The following PSPC1 variants were observed in gnomAD, a reference collection of about 807,000 sequenced individuals.
The protein encoded by PSPC1 is paraspeckle protein 1.
A neutral mutation model predicts 51.6 loss-of-function variants in PSPC1; 14 were observed. The observed-to-expected ratio is 0.27, with a 90% confidence interval of 0.18 to 0.42. PSPC1 has a LOEUF of 0.42. Ranked by LOEUF, PSPC1 falls within the 10% of genes least tolerant of loss-of-function variation. PSPC1 has a pLI of 1.00. For synonymous variants in PSPC1, 193 were observed against 231.9 expected, an observed-to-expected ratio of 0.83 and a Z score of 1.53; for missense variants, 406 against 701.1, an observed-to-expected ratio of 0.58 and a Z score of 4.75.
chr13:19,685,037 G>A (rs1234533206), intron 6 of PSPC1, among the ~76,000 whole-genome samples: 1 of 152,192 alleles, frequency 6.6e-6, no homozygotes, highest in Non-Finnish European at 1.5e-5. Context: ...TTGCCACAAA[G>A]TTTGAGAAAT....
chr13:19,759,344 T>C lies in PSPC1; in HGVS notation c.749A>G (p.Gln250Arg). ...DEDGLPEKLM[Q>R]KTQQYHKERE... ...TTACTTATGATATTGTTGAGTTTTC[T>C]GCATCAGCTTCTCTGGCAAGCCATC... Residue 250 changes from glutamine (Q) to arginine (R), a missense_variant, in exon 3 of 9, where the codon CAG (glutamine) becomes CGG (arginine). By Grantham distance (43) the Gln-to-Arg change is conservative. Transcript: ENST00000338910. The C allele has an allele frequency of 6.2e-7, 1 of 1,613,986 alleles. No homozygotes were observed. The highest frequency in any genetic ancestry group is 8.5e-7 in the Non-Finnish European group (1 of 1,179,850).
intron 5 of PSPC1, among the ~76,000 whole-genome samples, chr13:19,736,678 G>A (rs943015480): frequency 4.6e-5 from 7 of 151,964 alleles, no homozygotes; most frequent in Admixed American, 1.3e-4. Flanking sequence ...GTGAGACTCC[G>A]TCTCGAAAAA....
intron 5 of PSPC1, among the ~76,000 whole-genome samples, chr13:19,732,241 C>G (rs1884208540): frequency 6.6e-6 from 1 of 152,124 alleles, no homozygotes; most frequent in East Asian, 1.9e-4. Context: ...TAAAAATAAT[C>G]TTTAAGTAAA....
intron 1 of PSPC1, among the ~76,000 whole-genome samples, chr13:19,776,152 T>C (rs543781817): frequency 6.6e-6 from 1 of 152,094 alleles, no homozygotes; most frequent in Non-Finnish European, 1.5e-5. Context: ...AACAGACATA[T>C]ACATTTGTCA....
At chr13:19,766,698 A>ATCGTTAGT (rs900540828) in intron 2 of PSPC1, among the ~76,000 whole-genome samples, 19 of 151,516 alleles carry the variant, frequency 1.3e-4, no homozygotes, top group Non-Finnish European at 1.6e-4. Flanking sequence ...TCAATAAGAA[A>ATCGTTAGT]TCGTTAGTTA....
chr13:19,735,047 C>A (rs1884618199), intron 5 of PSPC1, among the ~76,000 whole-genome samples: 1 of 151,324 alleles, frequency 6.6e-6, no homozygotes, highest in South Asian at 2.1e-4. Flanking sequence ...TGCGGTGGCT[C>A]ATGCTTGTAA....
At chr13:19,778,230 G>C (rs971060973) in intron 1 of PSPC1, among the ~76,000 whole-genome samples, 1 of 150,398 alleles carries the variant, frequency 6.6e-6, no homozygotes, top group African/African-American at 2.5e-5. Context: ...GACAGAGCAA[G>C]ATTCCGTCTC....
At position 19,711,658 on chromosome 13, in the gene PSPC1, A is replaced by AG. The variant is rs1399353237; in HGVS notation, c.1159-2060_1159-2059insC. ...GTCTCATAAAAAAAAAAAAAAAAAA[A>AG]AAAGAAACCCCATCTCTACTAATAA... is the stretch of plus-strand genomic sequence containing the variant. On this transcript the variant is annotated intron_variant, in intron 6 of 8. Coordinates refer to ENST00000338910, the MANE Select transcript of PSPC1 (RefSeq NM_001354909.2). Among the ~76,000 whole-genome samples, 118 of 149,698 alleles carry AG rather than the reference A, an allele frequency of 7.9e-4. 1 individual carries two copies. The highest frequency in any genetic ancestry group is 6.9e-3 in the Admixed American group (103 of 15,014).
At chr13:19,675,888 T>C (rs1422312015) in intron 7 of PSPC1, 1 of 152,220 alleles carries the variant, frequency 6.6e-6, no homozygotes, top group Non-Finnish European at 1.5e-5. Flanking sequence ...AATTAAATAT[T>C]TGGCCTTTTA....
chr13:19,743,216 C>T (rs1380804761), intron 4 of PSPC1, among the ~76,000 whole-genome samples: 1 of 152,116 alleles, frequency 6.6e-6, no homozygotes, highest in Non-Finnish European at 1.5e-5. Flanking sequence ...TGTTAAAATA[C>T]TCTGGATGGC....
intron 7 of PSPC1, among the ~76,000 whole-genome samples, chr13:19,677,480 G>T (rs1374549411): frequency 6.6e-6 from 1 of 152,188 alleles, no homozygotes; most frequent in Non-Finnish European, 1.5e-5. Context: ...GCGAAGCTGA[G>T]AGTCCCCTCT....
chr13:19,714,737 C>T (rs987500759), intron 6 of PSPC1, among the ~76,000 whole-genome samples: 35 of 152,000 alleles, frequency 2.3e-4, no homozygotes, highest in African/African-American at 8.5e-4. Flanking sequence ...TCAAGTGATC[C>T]ACCTGCCTCA....
chr13:19,749,274 C>T (rs1370029010), intron 4 of PSPC1, among the ~76,000 whole-genome samples: 1 of 151,974 alleles, frequency 6.6e-6, no homozygotes, highest in Non-Finnish European at 1.5e-5. Context: ...CTTGAACCCC[C>T]GAGGTGGAGG....
intron 2 of PSPC1, among the ~76,000 whole-genome samples, chr13:19,763,940 T>C (rs576445952): frequency 2.4e-4 from 37 of 152,104 alleles, no homozygotes; most frequent in African/African-American, 8.7e-4. Flanking sequence ...GAGGTGGAAG[T>C]TGCAGTGAGC....
chr13:19,674,938 A>G (rs1435218786), exon 8 of PSPC1: 2 of 152,184 alleles, frequency 1.3e-5, no homozygotes, highest in African/African-American at 2.4e-5. Context: ...GGATTTCTAG[A>G]CGTCTCCTTC....
chr13:19,677,030 C>T (rs553177018), intron 7 of PSPC1, among the ~76,000 whole-genome samples: 22 of 151,954 alleles, frequency 1.4e-4, no homozygotes, highest in East Asian at 1.2e-3. Flanking sequence ...GTCAGGAGAT[C>T]GAGACCATCC....
rs532276232 is a variant in PSPC1, at chr13:19,757,697, C to G, written c.770+1626G>C. Among the ~76,000 whole-genome samples, 21 of 152,310 alleles carry G rather than the reference C, an allele frequency of 1.4e-4. No homozygotes were observed. The South Asian group carries it at 4.4e-3, about 32-fold the overall frequency. ...GAGGGTATTTAAACTCACAAAAACT[C>G]TGTAACAGGGCCTTTGAGCCCCTAT... On this transcript the variant is annotated intron_variant, in intron 3 of 8. Coordinates refer to ENST00000338910, the MANE Select transcript of PSPC1 (RefSeq NM_001354909.2).
At chr13:19,727,189 T>C (rs1883451475) in intron 6 of PSPC1, among the ~76,000 whole-genome samples, 1 of 151,844 alleles carries the variant, frequency 6.6e-6, no homozygotes, top group African/African-American at 2.4e-5. Flanking sequence ...AGGTCAGGAG[T>C]TCGAGACTAT....
intron 1 of PSPC1, among the ~76,000 whole-genome samples, chr13:19,777,117 C>CA (rs1889225866): frequency 4.0e-5 from 1 of 24,736 alleles, no homozygotes. Flanking sequence ...GAGGCTCCAT[C>CA]TAAAAAAAAA....
Sources: allele counts gnomAD v4.1 joint callset (sites outside exome capture counted in the v4.1 genomes callset), GRCh38; gene constraint gnomAD v4.1.1; transcripts MANE v1.5; gene names NCBI Gene and HGNC (gene_info 2026-07-23, HGNC 2026-07-21).